Variants in CARNS1 observed in about 807,000 individuals in gnomAD.
CARNS1 encodes ATP-grasp domain containing 1.
Under a neutral mutation model 74.0 loss-of-function variants are expected in CARNS1, and 61 were observed. That is an observed-to-expected ratio of 0.82 (90% confidence interval 0.67 to 1.02). The LOEUF (loss-of-function observed/expected upper bound fraction) is 1.02. Ranked by LOEUF, CARNS1 falls within the 50% of genes least tolerant of loss-of-function variation. CARNS1 has a pLI of 0.00. For missense variants in CARNS1, 1,278 were observed against 1,308.4 expected, an observed-to-expected ratio of 0.98 and a Z score of 0.36; for synonymous variants, 568 against 605.5, an observed-to-expected ratio of 0.94 and a Z score of 0.91.
intron 7 of CARNS1, among the ~76,000 whole-genome samples, chr11:67,420,249 T>G (rs751877518): frequency 1.3e-5 from 2 of 152,024 alleles, no homozygotes; most frequent in Non-Finnish European, 2.9e-5. Flanking sequence ...TAGGCTACAC[T>G]GAGAGGGAGA....
At position 67,419,752 on chromosome 11, in the gene CARNS1, G is replaced by C. The variant is rs752819637; in HGVS notation, c.1028-1G>C. On this transcript the variant is annotated splice_acceptor_variant, in intron 6 of 9. Transcript: ENST00000687366. LOFTEE classifies it high-confidence loss of function. ...CCTTAGACCTCCCCGTCTTCCCCCA[G>C]ATGGTCCTTCACCCGGCCCCGGCCT... is the stretch of plus-strand genomic sequence containing the variant. 3 of 1,603,130 alleles carry C rather than the reference G, an allele frequency of 1.9e-6. No homozygotes were observed. The highest frequency in any genetic ancestry group is 4.6e-5 in the East Asian group (2 of 43,936).
chr11:67,424,113 G>A lies in CARNS1; in HGVS notation c.2365G>A (p.Gly789Ser), dbSNP rs1388398260. Residue 789 changes from glycine (G) to serine (S), a missense_variant, in exon 10 of 10, where the codon GGC (glycine) becomes AGC (serine). Transcript: ENST00000687366. ...TCAGGCAGCCTTCCGCTGTTGCCTG[G>A]GCTGCGGGTTGCTCGATGGAGTCTT... ...MVQAAFRCCL[G>S]CGLLDGVFNV... 1 of 1,613,842 alleles carries A rather than the reference G, an allele frequency of 6.2e-7. No individual in the cohort carries two copies. Among genetic ancestry groups the A allele is most frequent in the Non-Finnish European group, 8.5e-7 (1 of 1,179,842 alleles).
At position 67,424,196 on chromosome 11, in the gene CARNS1, C is replaced by A; in HGVS notation, c.2448C>A (p.Arg816=). ...AGPRLIEINP[R]MGGFYLRDWI... ...CTCGGCTTATCGAGATCAACCCCCG[C>A]ATGGGTGGCTTCTACCTGCGTGATT... is the stretch of plus-strand genomic sequence containing the variant. Residue 816 remains arginine, a synonymous_variant, in exon 10 of 10, where the codon CGC becomes CGA. Coordinates refer to ENST00000687366, the MANE Select transcript of CARNS1 (RefSeq NM_001166222.2). 2 of 1,613,900 alleles carry A rather than the reference C, an allele frequency of 1.2e-6. No individual in the cohort carries two copies. The highest frequency in any genetic ancestry group is 1.7e-6 in the Non-Finnish European group (2 of 1,179,892).
chr11:67,424,611 CAG>C lies in CARNS1; in HGVS notation c.*11_*12del, dbSNP rs1202700099. 6.3e-7 allele frequency: 1 copy of C among 1,595,004 alleles called. No individual in the cohort carries two copies. Among genetic ancestry groups the C allele is most frequent in the South Asian group, 1.1e-5 (1 of 88,894 alleles). ...GTCTCACTTCAAATAGCACTGGGGT[CAG>C]GGGGCAGGGAAGCAGTGCTGGGTGG... On this transcript the variant is annotated 3_prime_UTR_variant, in exon 10 of 10. Coordinates refer to ENST00000687366, the MANE Select transcript of CARNS1 (RefSeq NM_001166222.2).
intron 4 of CARNS1, 38 bp from the exon 5 acceptor site, chr11:67,418,718 G>C (rs1185032419): frequency 6.6e-7 from 1 of 1,525,464 alleles, no homozygotes; most frequent in Non-Finnish European, 8.8e-7. Context: ...AGGGCATCAA[G>C]CCTTCCCTGG....
intron 9 of CARNS1, among the ~76,000 whole-genome samples, chr11:67,421,779 G>T (rs1863712358): frequency 6.6e-6 from 1 of 152,198 alleles, no homozygotes. Flanking sequence ...CCAGACTGGA[G>T]TGCGGTGGTG....
chr11:67,421,540 C>T (rs1041497372), intron 9 of CARNS1, among the ~76,000 whole-genome samples: 5 of 152,180 alleles, frequency 3.3e-5, no homozygotes, highest in Non-Finnish European at 5.9e-5. Flanking sequence ...AGAGTGGGGG[C>T]CTTGAATGCC....
At chr11:67,422,144 T>C (rs1590961783) in intron 9 of CARNS1, among the ~76,000 whole-genome samples, 1 of 147,866 alleles carries the variant, frequency 6.8e-6, no homozygotes, top group African/African-American at 2.5e-5. Context: ...AGTGCTGGGA[T>C]TACAGGCGTG....
rs200221645 is a variant in CARNS1, at chr11:67,424,160, C to A, written c.2412C>A (p.Thr804=). 1.4e-5 allele frequency: 23 copies of A among 1,613,748 alleles called. No homozygotes were observed. Reference sequence around the variant, plus strand: ...TCTTCAACGTGGAGCTCAAGCTGACCGGGGCTGGGCCTCGGCTTATCGAGA... The same window carrying A: ...TCTTCAACGTGGAGCTCAAGCTGACAGGGGCTGGGCCTCGGCTTATCGAGA... ...DGVFNVELKL[T]GAGPRLIEIN... Residue 804 remains threonine, a synonymous_variant, in exon 10 of 10, where the codon ACC becomes ACA. Transcript: ENST00000687366.
rs1863671224 is a variant in CARNS1 at position 67,420,687 on chromosome 11, G to A, written c.1192G>A (p.Ala398Thr). Reference sequence around the variant, plus strand: ...GCCGAGGACGCTGGAGGTGGCGCTGGCCCAGTGCGGCCTGGGCGAGGAGGC... The same window carrying A: ...GCCGAGGACGCTGGAGGTGGCGCTGACCCAGTGCGGCCTGGGCGAGGAGGC... ...SLPRTLEVAL[A>T]QCGLGEEAQV... The change falls in exon 8 of 10, where the codon GCC becomes ACC. Residue 398 changes from alanine (A) to threonine (T), a missense_variant. Transcript: ENST00000687366. 1 of 1,265,380 alleles carries A rather than the reference G, an allele frequency of 7.9e-7. No individual in the cohort carries two copies. The highest frequency in any genetic ancestry group is 9.9e-7 in the Non-Finnish European group (1 of 1,007,778). The allele number at this position is 1,265,380 out of a possible 1,614,324, so 78.4% of individuals were successfully genotyped here. A position where few individuals can be genotyped will look rare whatever the true frequency, so the allele number is the denominator to read the frequency against.
intron 7 of CARNS1, 24 bp downstream of exon 7, chr11:67,419,862 T>C: frequency 3.2e-6 from 5 of 1,556,632 alleles, no homozygotes; most frequent in Non-Finnish European, 4.3e-6. Context: ...AGGCCCAGGC[T>C]GTGACCCTGC....
chr11:67,421,637 G>A (rs1012642169), intron 9 of CARNS1, among the ~76,000 whole-genome samples: 1 of 152,200 alleles, frequency 6.6e-6, no homozygotes, highest in Non-Finnish European at 1.5e-5. Context: ...ACCCGCAGAG[G>A]GTGCTGGGGA....
Position 67,424,683 on chromosome 11 carries a change from C to A in CARNS1, c.*82C>A. The stretch of plus-strand genomic sequence containing the variant: ...GCTCCCTGGAGCTCTTCCTGCTTCT[C>A]TCCCCATCACCATGCCCCAGCCCCA... On this transcript the variant is annotated 3_prime_UTR_variant, in exon 10 of 10. Transcript: ENST00000687366. 7.1e-7 allele frequency: 1 copy of A among 1,401,464 alleles called. No individual in the cohort carries two copies. The highest frequency in any genetic ancestry group is 9.5e-7 in the Non-Finnish European group (1 of 1,051,396). 86.8% of individuals were successfully genotyped at this position (1,401,464 alleles called of 1,614,324 possible).
Position 67,419,263 on chromosome 11 carries a change from CCT to C in CARNS1, c.852+21_852+22del. 3.4e-6 allele frequency: 5 copies of C among 1,469,566 alleles called. No individual in the cohort carries two copies. The highest frequency in any genetic ancestry group is 4.5e-6 in the Non-Finnish European group (5 of 1,106,140). The allele number at this position is 1,469,566 out of a possible 1,614,324, so 91.0% of individuals were successfully genotyped here. A position where few individuals can be genotyped will look rare whatever the true frequency, so the allele number is the denominator to read the frequency against. ...CTGCAGGTAACAGACTCTCGCCCAC[CCT>C]GAGGTCTGTACAGATGCCAGCAGGA... is the stretch of plus-strand genomic sequence containing the variant. On this transcript the variant is annotated intron_variant, in intron 5 of 9. Transcript: ENST00000687366.
intron 3 of CARNS1, among the ~76,000 whole-genome samples, 153 bp from the exon 4 acceptor site, chr11:67,418,278 G>A (rs1004539152): frequency 4.5e-4 from 68 of 152,130 alleles, no homozygotes; most frequent in Non-Finnish European, 1.3e-4. Context: ...GGACTGGCGG[G>A]CACCTCCATT....
chr11:67,416,043 C>T (rs751501171), intron 1 of CARNS1, 133 bp from the exon 2 acceptor site: 777 of 675,760 alleles, frequency 1.1e-3, no homozygotes, highest in Non-Finnish European at 1.5e-3. Flanking sequence ...GGGGGTGGGG[C>T]TGCCTTGGCC....
chr11:67,417,752 C>G, intron 3 of CARNS1, 75 bp downstream of exon 3: 1 of 1,097,498 alleles, frequency 9.1e-7, no homozygotes. Context: ...CTTGCTCATC[C>G]CTGTCAAGGT....
At position 67,423,998 on chromosome 11, in the gene CARNS1, C is replaced by G; in HGVS notation, c.2250C>G (p.Ser750=). The change falls in exon 10 of 10, where the codon TCC becomes TCG. Residue 750 remains serine (S), a synonymous_variant. Coordinates refer to ENST00000687366, the MANE Select transcript of CARNS1 (RefSeq NM_001166222.2). The surrounding 1 kb of genome is among the most constrained non-coding windows in gnomAD (Gnocchi z 5.1). ...FGGRLLAAFV[S]DNGPTRLPGF... is the part of the protein sequence containing the mutation. ...GGCGGTTGCTGGCTGCCTTTGTCTC[C>G]GACAATGGCCCTACGAGGCTGCCTG... 6.2e-7 allele frequency: 1 copy of G among 1,613,080 alleles called. No homozygotes were observed. Among genetic ancestry groups the G allele is most frequent in the Non-Finnish European group, 8.5e-7 (1 of 1,179,820 alleles).
chr11:67,421,190 T>A lies in CARNS1; in HGVS notation c.1597T>A (p.Trp533Arg). ...GAGGVSKKFVWEAARDYGLQL... is the reference protein window; with the variant it reads ...GAGGVSKKFVREAARDYGLQL... ...TGGCGGCGTCAGCAAGAAGTTCGTG[T>A]GGGAGGCGGCGCGCGACTACGGGCT... Residue 533 changes from tryptophan (W) to arginine (R), a missense_variant, in exon 9 of 10, where the codon TGG becomes AGG. This residue lies in a region of CARNS1 where 1,164 missense variants were observed against 1,156.5 expected (regional missense o/e 1.01). Coordinates refer to ENST00000687366, the MANE Select transcript of CARNS1 (RefSeq NM_001166222.2). 6.7e-7 allele frequency: 1 copy of A among 1,490,096 alleles called. No individual in the cohort carries two copies. Among genetic ancestry groups the A allele is most frequent in the Non-Finnish European group, 8.9e-7 (1 of 1,126,094 alleles). 92.3% of individuals were successfully genotyped at this position (1,490,096 alleles called of 1,614,324 possible). A position where few individuals can be genotyped will look rare whatever the true frequency, so the allele number is the denominator to read the frequency against.
Sources: allele counts gnomAD v4.1 joint callset (sites outside exome capture counted in the v4.1 genomes callset), GRCh38; gene constraint gnomAD v4.1.1; regional missense constraint gnomAD v4.1.1; non-coding constraint Gnocchi (gnomAD v3.1); transcripts MANE v1.5; gene names NCBI Gene and HGNC (gene_info 2026-07-23, HGNC 2026-07-21).